Variants in CEP192 observed in about 807,000 individuals in gnomAD.
CEP192 encodes the protein centrosomal protein of 192 kDa.
A neutral mutation model predicts 271.8 loss-of-function variants in CEP192; 151 were observed. The observed-to-expected ratio is 0.56, with a 90% CI of 0.49 to 0.64. The LOEUF (loss-of-function observed/expected upper bound fraction) is 0.64, where lower values mean the gene tolerates loss of function less well. Ranked by LOEUF, CEP192 falls within the 30% of genes least tolerant of loss-of-function variation. CEP192 has a pLI of 0.00. For missense variants in CEP192, 2,910 were observed against 3,020.5 expected (o/e 0.96, Z 0.86); for synonymous variants, 995 against 1,076.5 (o/e 0.92, Z 1.48).
chr18:13,044,800 G>A (rs2036388797), intron 15 of CEP192, among the ~76,000 whole-genome samples: 1 of 152,046 alleles, frequency 6.6e-6, no homozygotes, highest in South Asian at 2.1e-4. Flanking sequence ...GGTTTTACTG[G>A]TCTCATTTTT....
intron 4 of CEP192, 91 bp from the exon 5 acceptor site, chr18:13,012,882 G>C (rs1345803324): frequency 2.9e-6 from 2 of 684,702 alleles, no homozygotes; most frequent in Non-Finnish European, 5.0e-6. Flanking sequence ...TATTTCAAGA[G>C]AAAAATATTT....
chr18:13,103,528 G>T lies in CEP192; in HGVS notation c.6891G>T (p.Glu2297Asp), dbSNP rs1346721691. ...TTTTAGAGAGCTGTCTAGAACTCGAGAATCATGGCACCACAGACGTGAAAT... is the reference window on the plus strand; with the variant it reads ...TTTTAGAGAGCTGTCTAGAACTCGATAATCATGGCACCACAGACGTGAAAT... ...GETSESCLEL[E>D]NHGTTDVKWH... Residue 2297 changes from glutamate to aspartate, a missense_variant, in exon 39 of 45, where the codon GAG becomes GAT. Coordinates refer to ENST00000506447, the MANE Select transcript of CEP192 (RefSeq NM_032142.4). 1 of 1,613,782 alleles carries T rather than the reference G, an allele frequency of 6.2e-7. No homozygotes were observed. The highest frequency in any genetic ancestry group is 1.3e-5 in the African/African-American group (1 of 74,886).
rs565030672 is a variant in CEP192 at position 12,994,247 on chromosome 18, C to T, written c.-5+2810C>T. On this transcript the variant is annotated intron_variant, in intron 1 of 44. Coordinates refer to ENST00000506447, the MANE Select transcript of CEP192 (RefSeq NM_032142.4). ...TTTAAATGGATGTGATTGACTGTGG[C>T]GCTGTTTGACTTAATAATAAGAGAT... 1.3e-3 allele frequency among the ~76,000 whole-genome samples: 204 copies of T among 152,194 alleles called. 1 individual carries two copies. Among genetic ancestry groups the T allele is most frequent in the African/African-American group, 4.7e-3 (196 of 41,528 alleles).
chr18:13,035,231 A>G (rs1438591688), intron 11 of CEP192, among the ~76,000 whole-genome samples: 1 of 152,010 alleles, frequency 6.6e-6, no homozygotes, highest in South Asian at 2.1e-4. Context: ...GTGATATTTA[A>G]CTCCTCAAAG....
rs2034799752 is a variant in CEP192 at position 13,018,592 on chromosome 18, A to C, written c.902A>C (p.Gln301Pro). The stretch of plus-strand genomic sequence containing the variant: ...ACTCACAAAGAGTCTGAGGAAAGCC[A>C]AGTTATTTGTCTACCTGGGACTAGT... ...ETTHKESEES[Q>P]VICLPGTSNS... The change falls in exon 8 of 45, where the codon CAA becomes CCA. Residue 301 changes from glutamine to proline, a missense_variant. Transcript: ENST00000506447. 2 of 1,538,542 alleles carry C rather than the reference A, an allele frequency of 1.3e-6. No individual in the cohort carries two copies. The highest frequency in any genetic ancestry group is 1.8e-6 in the Non-Finnish European group (2 of 1,139,190).
intron 9 of CEP192, among the ~76,000 whole-genome samples, chr18:13,020,758 A>G (rs2034943952): frequency 6.6e-6 from 1 of 152,122 alleles, no homozygotes; most frequent in Admixed American, 6.6e-5. Flanking sequence ...CCCTTTTTAA[A>G]TTATAGTTAT....
chr18:13,057,623 G>A lies in CEP192; in HGVS notation c.4147G>A (p.Ala1383Thr). Reference protein sequence around the residue: ...RVPEELKLPHACCVGIASQTL... With the variant: ...RVPEELKLPHTCCVGIASQTL... ...GCCCGAGGAGTTGAAGCTTCCTCAT[G>A]CTTGCTGTGTCGGGATCGCTTCCCA... Residue 1383 changes from alanine (A) to threonine (T), a missense_variant, in exon 20 of 45, where the codon GCT becomes ACT. Transcript: ENST00000506447. The A allele has an allele frequency of 6.2e-7, 1 of 1,614,146 alleles. No homozygotes were observed. Among genetic ancestry groups the A allele is most frequent in the Admixed American group, 1.7e-5 (1 of 60,020 alleles).
intron 40 of CEP192, 71 bp from the exon 41 acceptor site, chr18:13,113,515 G>C: frequency 6.9e-7 from 1 of 1,446,172 alleles, no homozygotes; most frequent in East Asian, 2.4e-5. Context: ...CCAAATCTTT[G>C]AACTGGTGAT....
At chr18:13,031,636 T>C (rs1318947675) in intron 11 of CEP192, among the ~76,000 whole-genome samples, 1 of 152,092 alleles carries the variant, frequency 6.6e-6, no homozygotes, top group African/African-American at 2.4e-5. Context: ...AGTCTTGTAA[T>C]GTGGAATTAC....
At position 13,056,466 on chromosome 18, in the gene CEP192, A is replaced by C. The variant is rs750026484; in HGVS notation, c.3876A>C (p.Gly1292=). The change falls in exon 19 of 45, where the codon GGA becomes GGC. Residue 1292 remains glycine (G), a synonymous_variant. Transcript: ENST00000506447. The part of the protein sequence containing the change: ...AGNATVCGFS[G]GLPYPAVAGE... The stretch of plus-strand genomic sequence containing the variant: ...ATGCCACAGTCTGTGGCTTCTCAGG[A>C]GGCCTTCCCTATCCAGCTGTTGCAG... The C allele has an allele frequency of 6.2e-7, 1 of 1,614,228 alleles. No homozygotes were observed. Among genetic ancestry groups the C allele is most frequent in the South Asian group, 1.1e-5 (1 of 91,086 alleles).
Position 13,067,941 on chromosome 18 carries a change from A to G in CEP192, c.4599A>G (p.Arg1533=). The G allele has an allele frequency of 6.2e-7, 1 of 1,610,004 alleles. No individual in the cohort carries two copies. The highest frequency in any genetic ancestry group is 8.5e-7 in the Non-Finnish European group (1 of 1,176,428). The change falls in exon 22 of 45, where the codon AGA becomes AGG. Residue 1533 remains arginine, a synonymous_variant. Transcript: ENST00000506447. ...GAACGCATGCCACTGTGCCAATTAGACTGATTATTAATGCTGTAAGTATGA... is the reference window on the plus strand; with the variant it reads ...GAACGCATGCCACTGTGCCAATTAGGCTGATTATTAATGCTGTAAGTATGA... The part of the protein sequence containing the change: ...INRTHATVPI[R]LIINANAVAW...
chr18:13,022,358 G>A (rs534939433), intron 9 of CEP192, among the ~76,000 whole-genome samples: 1 of 151,698 alleles, frequency 6.6e-6, no homozygotes, highest in African/African-American at 2.4e-5. Context: ...GCCTCTTTGT[G>A]TAAACTTTAT....
At chr18:13,117,402 A>C (rs1598650542) in intron 43 of CEP192, among the ~76,000 whole-genome samples, 183 bp from the exon 44 acceptor site, 1 of 152,342 alleles carries the variant, frequency 6.6e-6, no homozygotes, top group East Asian at 1.9e-4. Context: ...AAACTAGATT[A>C]AATTCATGTT....
At chr18:13,113,787 A>C (rs2040312737) in intron 41 of CEP192, 82 bp downstream of exon 41, 1 of 1,268,722 alleles carries the variant, frequency 7.9e-7, no homozygotes. Context: ...AGTTGGCCTG[A>C]AAATGCAGAA....
chr18:13,053,949 C>T (rs2036944859), intron 18 of CEP192, among the ~76,000 whole-genome samples: 1 of 152,186 alleles, frequency 6.6e-6, no homozygotes, highest in Non-Finnish European at 1.5e-5. Flanking sequence ...GCCTCGGCCT[C>T]TCAAGTAGCT....
chr18:13,035,832 G>T (rs10221384), intron 11 of CEP192, among the ~76,000 whole-genome samples: 1 of 152,012 alleles, frequency 6.6e-6, no homozygotes, highest in Non-Finnish European at 1.5e-5. Flanking sequence ...CCTAGGTTCT[G>T]TGCTGTAGGT....
rs1235433498 is a variant in CEP192, at chr18:13,105,016, T to C, written c.6984T>C (p.Ala2328=). 1 of 1,614,042 alleles carries C rather than the reference T, an allele frequency of 6.2e-7. No individual in the cohort carries two copies. The highest frequency in any genetic ancestry group is 1.1e-5 in the South Asian group (1 of 91,078). Residue 2328 remains alanine, a synonymous_variant, in exon 40 of 45, where the codon GCT becomes GCC. Coordinates refer to ENST00000506447, the MANE Select transcript of CEP192 (RefSeq NM_032142.4). ...GVDESGDVFR[A]TYAAFRCSPI... is the part of the protein sequence containing the mutation. ...ATGAAAGTGGAGATGTTTTTAGAGC[T>C]ACCTATGCAGCATTCAGATGTTCTC...
intron 40 of CEP192, among the ~76,000 whole-genome samples, chr18:13,106,477 TACC>T (rs1568428137): frequency 1.0e-5 from 1 of 98,708 alleles, no homozygotes; most frequent in African/African-American, 3.9e-5. Context: ...CCACCACCAC[TACC>T]ACTACTCACC....
In CEP192 at chr18:13,056,378, A is replaced by C; in HGVS notation, c.3788A>C (p.Gln1263Pro). 1 of 1,614,262 alleles carries C rather than the reference A, an allele frequency of 6.2e-7. No homozygotes were observed. Among genetic ancestry groups the C allele is most frequent in the Non-Finnish European group, 8.5e-7 (1 of 1,180,044 alleles). The change falls in exon 19 of 45, where the codon CAG becomes CCG. Residue 1263 changes from glutamine (Q) to proline (P), a missense_variant. By Grantham distance (76) the Gln-to-Pro change is moderately conservative. Transcript: ENST00000506447. ...TCTCTCAGCGCTGCTCCTTTTGCTC[A>C]GCGGTATTTGGGAACACTCCCTTCA... ...QPSLSAAPFA[Q>P]RYLGTLPSTG...
Sources: allele counts gnomAD v4.1 joint callset (sites outside exome capture counted in the v4.1 genomes callset), GRCh38; gene constraint gnomAD v4.1.1; transcripts MANE v1.5; gene names NCBI Gene and HGNC (gene_info 2026-07-23, HGNC 2026-07-21).